MAP2K4: variants seen among roughly 807,000 people sequenced by gnomAD.
MAP2K4 encodes mitogen-activated protein kinase kinase 4, also known as dual specificity mitogen-activated protein kinase kinase 4.
A neutral mutation model predicts 48.5 loss-of-function variants in MAP2K4; 4 were observed. That is an observed-to-expected ratio of 0.08 (90% confidence interval 0.04 to 0.19). The LOEUF (loss-of-function observed/expected upper bound fraction) is 0.19, where lower values mean the gene tolerates loss of function less well. MAP2K4 is among the 10% of genes least tolerant of loss of function. The pLI is 1.00. For missense variants in MAP2K4, 258 were observed against 493.3 expected (o/e 0.52, Z 4.52); for synonymous variants, 166 against 173.1 (o/e 0.96, Z 0.32).
chr17:12,129,132 T>C lies in MAP2K4; in HGVS notation c.892-7T>C. Reference sequence around the variant, plus strand: ...GTATTTTGCTCTTTCCTCTTTGTTCTCTTTAGTATGAGTTGGCCACAGGCC... The same window carrying C: ...GTATTTTGCTCTTTCCTCTTTGTTCCCTTTAGTATGAGTTGGCCACAGGCC... On this transcript the variant is annotated splice_region_variant and splice_polypyrimidine_tract_variant and intron_variant, in intron 8 of 10. Transcript: ENST00000353533. 2 of 1,613,200 alleles carry C rather than the reference T, an allele frequency of 1.2e-6. No individual in the cohort carries two copies. Among genetic ancestry groups the C allele is most frequent in the Non-Finnish European group, 1.7e-6 (2 of 1,179,788 alleles).
chr17:12,130,777 T>C (rs562573569), intron 9 of MAP2K4, among the ~76,000 whole-genome samples: 1 of 152,336 alleles, frequency 6.6e-6, no homozygotes, highest in African/African-American at 2.4e-5. Flanking sequence ...CTGCCACTCT[T>C]TGTCTTGGAC....
At chr17:12,041,670 A>G (rs1969788276) in intron 1 of MAP2K4, among the ~76,000 whole-genome samples, 1 of 152,196 alleles carries the variant, frequency 6.6e-6, no homozygotes, top group Non-Finnish European at 1.5e-5. Flanking sequence ...AAAAAGAAAC[A>G]ACAAATTGGA....
intron 1 of MAP2K4, among the ~76,000 whole-genome samples, chr17:12,029,048 G>A (rs560079456): frequency 6.6e-6 from 1 of 152,180 alleles, no homozygotes; most frequent in Non-Finnish European, 1.5e-5. Flanking sequence ...AACACCATTT[G>A]CTTTTTGTTT....
At chr17:12,127,742 T>A (rs1972896689) in intron 8 of MAP2K4, among the ~76,000 whole-genome samples, 1 of 152,250 alleles carries the variant, frequency 6.6e-6, no homozygotes, top group Admixed American at 6.5e-5. Context: ...CCAGGAAGGT[T>A]TATGTCTTGA....
At chr17:12,090,207 T>G (rs149767701) in intron 3 of MAP2K4, among the ~76,000 whole-genome samples, 3 of 152,314 alleles carry the variant, frequency 2.0e-5, no homozygotes, top group African/African-American at 7.2e-5. Context: ...TTCACATACA[T>G]TGTTCAAGAG....
At chr17:12,056,698 G>C (rs865859232) in intron 2 of MAP2K4, among the ~76,000 whole-genome samples, 1 of 152,022 alleles carries the variant, frequency 6.6e-6, no homozygotes, top group African/African-American at 2.4e-5. Flanking sequence ...ACTGGTCAGA[G>C]ATAACTGTTT....
intron 1 of MAP2K4, among the ~76,000 whole-genome samples, chr17:12,042,027 A>G (rs1969803065): frequency 6.6e-6 from 1 of 152,056 alleles, no homozygotes; most frequent in Admixed American, 6.5e-5. Flanking sequence ...TTAAAAATAC[A>G]AAAATTAGCC....
chr17:12,046,319 G>A (rs1392115041), intron 1 of MAP2K4, among the ~76,000 whole-genome samples: 2 of 152,136 alleles, frequency 1.3e-5, no homozygotes, highest in African/African-American at 4.8e-5. Context: ...ATTGGAACAT[G>A]GAATTGGGGT....
chr17:12,124,973 C>T (rs757904646), intron 7 of MAP2K4: 11 of 298,810 alleles, frequency 3.7e-5, no homozygotes, highest in Non-Finnish European at 4.6e-5. Context: ...CTGCACCTGG[C>T]GACCTTGTAA....
chr17:12,086,894 T>C (rs949584695), intron 3 of MAP2K4, among the ~76,000 whole-genome samples: 1 of 152,230 alleles, frequency 6.6e-6, no homozygotes, highest in Non-Finnish European at 1.5e-5. Flanking sequence ...TCGCCCAGGC[T>C]GGAGTGCAGT....
chr17:12,105,026 A>T (rs1383236659), intron 4 of MAP2K4, among the ~76,000 whole-genome samples: 1 of 152,138 alleles, frequency 6.6e-6, no homozygotes, highest in Non-Finnish European at 1.5e-5. Context: ...CTTCTGTCAT[A>T]TATCAGATTT....
chr17:12,135,469 C>T (rs535241857), intron 9 of MAP2K4, among the ~76,000 whole-genome samples: 6 of 152,266 alleles, frequency 3.9e-5, no homozygotes, highest in African/African-American at 7.2e-5. Flanking sequence ...TAGGCTTAAG[C>T]GATCCTCCTG....
chr17:12,032,445 TA>T (rs1403401365), intron 1 of MAP2K4: 2 of 410,432 alleles, frequency 4.9e-6, no homozygotes, highest in Non-Finnish European at 8.6e-6. Context: ...TTCCAAATAT[TA>T]AAAAAATTAT....
chr17:12,075,399 C>T (rs550260885), intron 2 of MAP2K4, among the ~76,000 whole-genome samples: 56 of 152,240 alleles, frequency 3.7e-4, no homozygotes, highest in Non-Finnish European at 6.6e-4. Context: ...TGAAAGCATA[C>T]AAATTACTGA....
intron 1 of MAP2K4, among the ~76,000 whole-genome samples, chr17:12,051,097 G>A: frequency 6.6e-6 from 1 of 152,184 alleles, no homozygotes; most frequent in Non-Finnish European, 1.5e-5. Context: ...GTGGGGACAG[G>A]ACTGCTCAAT....
chr17:12,113,346 A>C lies in MAP2K4; in HGVS notation c.799A>C (p.Arg267=). The C allele has an allele frequency of 6.2e-7, 1 of 1,613,726 alleles. No homozygotes were observed. Among genetic ancestry groups the C allele is most frequent in the African/African-American group, 1.3e-5 (1 of 75,040 alleles). Residue 267 remains arginine, a synonymous_variant, in exon 7 of 11, where the codon AGG becomes CGG. Transcript: ENST00000353533. The stretch of plus-strand genomic sequence containing the variant: ...TGCCAAGACAAGAGATGCTGGCTGT[A>C]GGCCATACATGGCAGTAAGTGTTAA... ...SIAKTRDAGC[R]PYMAPERIDP... is the part of the protein sequence containing the mutation.
chr17:12,034,954 G>C (rs1597397318), intron 1 of MAP2K4, among the ~76,000 whole-genome samples: 1 of 152,180 alleles, frequency 6.6e-6, no homozygotes, highest in Non-Finnish European at 1.5e-5. Context: ...TCAGGGAATG[G>C]GAGTGCACAC....
intron 9 of MAP2K4, among the ~76,000 whole-genome samples, chr17:12,137,210 A>G (rs1238090629): frequency 6.6e-6 from 1 of 152,204 alleles, no homozygotes; most frequent in Non-Finnish European, 1.5e-5. Flanking sequence ...ATGAATGGAT[A>G]TGCATGGAGG....
intron 4 of MAP2K4, among the ~76,000 whole-genome samples, chr17:12,097,712 G>A (rs1971805450): frequency 6.6e-6 from 1 of 152,214 alleles, no homozygotes; most frequent in African/African-American, 2.4e-5. Context: ...CCTTTTTCCA[G>A]ATAGGAAAAT....
Sources: gnomAD v4.1 joint callset for allele counts (sites outside exome capture counted in the v4.1 genomes callset) on GRCh38, gnomAD v4.1.1 for gene constraint, MANE v1.5 for transcripts, NCBI Gene and HGNC (gene_info 2026-07-23, HGNC 2026-07-21) for gene names.